Variants in KIAA1958 observed in about 807,000 individuals in gnomAD.
KIAA1958 encodes the protein uncharacterized protein KIAA1958.
Under a neutral mutation model 47.2 loss-of-function variants are expected in KIAA1958, and 14 were observed. That is an observed-to-expected ratio of 0.30 (90% confidence interval 0.20 to 0.46). KIAA1958 has a LOEUF of 0.46. KIAA1958 is among the 20% of genes least tolerant of loss of function. KIAA1958 has a pLI of 1.00. For missense variants in KIAA1958, 803 were observed against 909.2 expected (o/e 0.88, Z 1.50); for synonymous variants, 354 against 353.3 (o/e 1.00, Z -0.02).
At chr9:112,557,966 C>T (rs971200768) in intron 1 of KIAA1958, among the ~76,000 whole-genome samples, 5 of 152,134 alleles carry the variant, frequency 3.3e-5, no homozygotes, top group African/African-American at 1.2e-4. Context: ...GTGGCTCATG[C>T]CTGTAATCCC....
intron 1 of KIAA1958, among the ~76,000 whole-genome samples, chr9:112,531,730 C>T (rs1381598149): frequency 1.3e-5 from 2 of 152,196 alleles, no homozygotes; most frequent in African/African-American, 2.4e-5. Flanking sequence ...TTGATAATTA[C>T]AACCCTTTAA....
intron 2 of KIAA1958, among the ~76,000 whole-genome samples, chr9:112,623,526 C>G (rs1362777435): frequency 1.3e-5 from 2 of 152,128 alleles, no homozygotes; most frequent in African/African-American, 2.4e-5. Context: ...CCCAGGTGTA[C>G]TAAAATCATC....
intron 1 of KIAA1958, among the ~76,000 whole-genome samples, chr9:112,530,369 C>T (rs888173527): frequency 6.6e-6 from 1 of 152,094 alleles, no homozygotes; most frequent in Non-Finnish European, 1.5e-5. Context: ...CCCATCAGTT[C>T]GTTTTCTGAA....
At chr9:112,527,415 A>G (rs1210164522) in intron 1 of KIAA1958, among the ~76,000 whole-genome samples, 1 of 152,184 alleles carries the variant, frequency 6.6e-6, no homozygotes, top group Non-Finnish European at 1.5e-5. Context: ...ATTGAAAGAA[A>G]AGCAACGTGG....
chr9:112,551,730 C>T (rs947054886), intron 1 of KIAA1958, among the ~76,000 whole-genome samples: 1 of 152,156 alleles, frequency 6.6e-6, no homozygotes, highest in Non-Finnish European at 1.5e-5. Context: ...TTCCCAGGGG[C>T]CTCTCTCAGT....
chr9:112,630,905 A>T (rs1468274466), intron 2 of KIAA1958, among the ~76,000 whole-genome samples: 5 of 152,204 alleles, frequency 3.3e-5, no homozygotes, highest in Non-Finnish European at 5.9e-5. Flanking sequence ...TTACACCTTT[A>T]TATTTTCATA....
intron 1 of KIAA1958, among the ~76,000 whole-genome samples, chr9:112,560,362 G>A (rs1413334120): frequency 6.6e-6 from 1 of 151,614 alleles, no homozygotes; most frequent in East Asian, 1.9e-4. Flanking sequence ...CACTGCCTCT[G>A]GCTAATTTTT....
At chr9:112,570,691 A>G (rs1463182598) in intron 1 of KIAA1958, among the ~76,000 whole-genome samples, 1 of 152,240 alleles carries the variant, frequency 6.6e-6, no homozygotes, top group Non-Finnish European at 1.5e-5. Context: ...CCAAATCTGT[A>G]TTAGTCAAGA....
intron 1 of KIAA1958, among the ~76,000 whole-genome samples, chr9:112,530,978 A>G (rs192286002): frequency 6.6e-6 from 1 of 152,364 alleles, no homozygotes; most frequent in East Asian, 1.9e-4. Context: ...TTTTATGTTC[A>G]GCTTATTCTG....
chr9:112,659,555 G>T lies in KIAA1958; in HGVS notation c.1637G>T (p.Cys546Phe), dbSNP rs1385935190. 6.2e-7 allele frequency: 1 copy of T among 1,613,024 alleles called. No homozygotes were observed. The highest frequency in any genetic ancestry group is 1.7e-5 in the Admixed American group (1 of 59,856). ...SDEEEMWQAG[C>F]LGDDSPITLL... ...GAGGAGGAGATGTGGCAGGCAGGGT[G>T]TCTGGGGGATGACAGCCCTATCACT... The change falls in exon 4 of 4, where the codon TGT becomes TTT. Residue 546 changes from cysteine (C) to phenylalanine (F), a missense_variant. Cys to Phe is a radical substitution (Grantham distance 205, BLOSUM62 -2). Transcript: ENST00000337530.
chr9:112,541,350 T>C (rs1250652501), intron 1 of KIAA1958, among the ~76,000 whole-genome samples: 1 of 12,970 alleles, frequency 7.7e-5, no homozygotes, highest in Admixed American at 6.1e-4. Context: ...GAAAATTAAA[T>C]GAAAAAAAAA....
At chr9:112,585,458 C>T (rs1017839081) in intron 2 of KIAA1958, among the ~76,000 whole-genome samples, 3 of 152,178 alleles carry the variant, frequency 2.0e-5, no homozygotes, top group Non-Finnish European at 4.4e-5. Flanking sequence ...AGGAGAGTTG[C>T]TGCTGGAAAG....
At chr9:112,533,340 GC>G (rs1834785832) in intron 1 of KIAA1958, among the ~76,000 whole-genome samples, 1 of 151,736 alleles carries the variant, frequency 6.6e-6, no homozygotes, top group Non-Finnish European at 1.5e-5. Context: ...ACTTTGGAAG[GC>G]CGAGGCAGGT....
intron 1 of KIAA1958, among the ~76,000 whole-genome samples, chr9:112,501,149 T>G (rs1337791498): frequency 6.6e-6 from 1 of 150,766 alleles, no homozygotes; most frequent in African/African-American, 2.4e-5. Flanking sequence ...TCAAAAAACT[T>G]TTTTTTTTCA....
intron 1 of KIAA1958, among the ~76,000 whole-genome samples, chr9:112,564,134 G>C (rs901673173): frequency 2.6e-5 from 4 of 152,080 alleles, no homozygotes; most frequent in Non-Finnish European, 5.9e-5. Context: ...TAAAAGTTAT[G>C]CTGGCGTCCT....
chr9:112,599,365 A>T (rs1017550370), intron 2 of KIAA1958, among the ~76,000 whole-genome samples: 1 of 82,502 alleles, frequency 1.2e-5, no homozygotes, highest in African/African-American at 5.3e-5. Context: ...AGATGCTTAT[A>T]TACAGCAGAT....
intron 1 of KIAA1958, among the ~76,000 whole-genome samples, chr9:112,554,963 A>G (rs1339985435): frequency 6.6e-6 from 1 of 152,240 alleles, no homozygotes; most frequent in Non-Finnish European, 1.5e-5. Context: ...TCTGGAAAAC[A>G]AGAAAGGAGG....
chr9:112,487,661 C>T (rs1313511771), intron 1 of KIAA1958, among the ~76,000 whole-genome samples: 4 of 152,168 alleles, frequency 2.6e-5, no homozygotes, highest in Non-Finnish European at 5.9e-5. Flanking sequence ...CATGGCTTCG[C>T]TCCCTTATTT....
intron 2 of KIAA1958, among the ~76,000 whole-genome samples, chr9:112,620,519 G>A (rs1406490447): frequency 2.0e-5 from 3 of 152,176 alleles, no homozygotes; most frequent in Non-Finnish European, 4.4e-5. Flanking sequence ...ATAAAGACCC[G>A]TTCCTCTAAG....
Sources: allele counts gnomAD v4.1 joint callset (sites outside exome capture counted in the v4.1 genomes callset), GRCh38; gene constraint gnomAD v4.1.1; transcripts MANE v1.5; gene names NCBI Gene and HGNC (gene_info 2026-07-23, HGNC 2026-07-21).